PANK1: variants seen among roughly 807,000 people sequenced by gnomAD.
The protein encoded by PANK1 is pantothenic acid kinase 1.
A neutral mutation model predicts 40.1 loss-of-function variants in PANK1; 18 were observed. The ratio of observed to expected loss-of-function variants is 0.45; its 90% confidence interval spans 0.31 to 0.67. The LOEUF (loss-of-function observed/expected upper bound fraction) is 0.67, where lower values mean the gene tolerates loss of function less well. PANK1 is among the 30% of genes least tolerant of loss of function. The pLI is 0.06. For synonymous variants in PANK1, 242 were observed against 237.7 expected (o/e 1.02, Z -0.17); for missense variants, 457 against 599.6 (o/e 0.76, Z 2.48).
At chr10:89,620,588 C>A (rs1055172944) in intron 1 of PANK1, among the ~76,000 whole-genome samples, 22 of 152,222 alleles carry the variant, frequency 1.4e-4, no homozygotes, top group African/African-American at 5.1e-4. Context: ...AATGCATGCC[C>A]AGCAGGACAT....
At position 89,583,772 on chromosome 10, in the gene PANK1, A is replaced by C. The variant is rs1410092279; in HGVS notation, c.*634T>G. On this transcript the variant is annotated 3_prime_UTR_variant, in exon 7 of 7. Transcript: ENST00000307534. The stretch of plus-strand genomic sequence containing the variant: ...TTGTATTGAGCTGGTCAGCACCTTC[A>C]TTGATATGAACAATTATGTCAAAGA... The C allele has an allele frequency of 6.6e-6, 1 of 152,238 alleles. No homozygotes were observed. Among genetic ancestry groups the C allele is most frequent in the Non-Finnish European group, 1.5e-5 (1 of 68,062 alleles). 9.4% of individuals were successfully genotyped at this position (152,238 alleles called of 1,614,324 possible).
chr10:89,601,300 C>T (rs1483485222), intron 2 of PANK1, among the ~76,000 whole-genome samples: 1 of 131,674 alleles, frequency 7.6e-6, no homozygotes, highest in African/African-American at 2.9e-5. Context: ...TATACGGAGA[C>T]CCATCTCTTA....
intron 1 of PANK1, among the ~76,000 whole-genome samples, chr10:89,615,331 G>T (rs1467975214): frequency 2.0e-5 from 3 of 152,158 alleles, no homozygotes; most frequent in Non-Finnish European, 4.4e-5. Flanking sequence ...CCTTTTATGT[G>T]GTTGGATGTT....
intron 1 of PANK1, among the ~76,000 whole-genome samples, chr10:89,639,971 C>CT (rs1212470272): frequency 2.0e-5 from 3 of 152,216 alleles, no homozygotes; most frequent in Admixed American, 6.5e-5. Context: ...ACAGAACACA[C>CT]TTTTTTTTCC....
intron 1 of PANK1, among the ~76,000 whole-genome samples, chr10:89,644,192 C>A (rs1032809113): frequency 2.0e-5 from 3 of 152,102 alleles, no homozygotes; most frequent in Non-Finnish European, 4.4e-5. Context: ...CTCAGAGAAG[C>A]GAGAGGGGTG....
chr10:89,606,289 G>A (rs1416674776), intron 2 of PANK1, among the ~76,000 whole-genome samples: 20 of 152,174 alleles, frequency 1.3e-4, no homozygotes. Context: ...CTTCTGTTCT[G>A]TACTATGAAA....
chr10:89,629,238 C>G (rs1417134693), intron 1 of PANK1, among the ~76,000 whole-genome samples: 1 of 152,178 alleles, frequency 6.6e-6, no homozygotes, highest in Non-Finnish European at 1.5e-5. Flanking sequence ...GTGTTTGCTT[C>G]CTTCCAGTGC....
chr10:89,598,696 C>A lies in PANK1; in HGVS notation c.899+556G>T, dbSNP rs182689266. On this transcript the variant is annotated intron_variant, in intron 3 of 6. Transcript: ENST00000307534. ...CACTGAAAAACAAGGCCCTCTGCCC[C>A]ACCATGGCCATGGGGCTGTTTCCCT... Among the ~76,000 whole-genome samples, 8 of 152,036 alleles carry A rather than the reference C, an allele frequency of 5.3e-5. No individual in the cohort carries two copies. The East Asian group carries it at 1.4e-3, about 26-fold the overall frequency.
At position 89,593,433 on chromosome 10, in the gene PANK1, A is replaced by C. The variant is rs1844464938; in HGVS notation, c.1077-113T>G. On this transcript the variant is annotated intron_variant, in intron 4 of 6. Transcript: ENST00000307534. ...GTAACTGTTCAAACTCAAGTGATCC[A>C]ATTTTGCTACTATGGTTTATAAGCA... is the stretch of plus-strand genomic sequence containing the variant. 2.5e-6 allele frequency: 3 copies of C among 1,212,750 alleles called. No individual in the cohort carries two copies. In the African/African-American group the frequency reaches 4.6e-5, roughly 19 times the overall value. 75.1% of individuals were successfully genotyped at this position (1,212,750 alleles called of 1,614,324 possible).
chr10:89,639,303 C>A (rs1841906214), intron 1 of PANK1: 1 of 405,370 alleles, frequency 2.5e-6, no homozygotes, highest in Non-Finnish European at 5.1e-6. Context: ...TGGCATTAAC[C>A]CATACATGAG....
At chr10:89,590,956 G>T (rs1301033741) in intron 5 of PANK1, among the ~76,000 whole-genome samples, 1 of 152,128 alleles carries the variant, frequency 6.6e-6, no homozygotes, top group African/African-American at 2.4e-5. Context: ...AGCATGTGTT[G>T]TGAAGCCTTA....
At chr10:89,635,947 C>G (rs1841791609) in intron 1 of PANK1, among the ~76,000 whole-genome samples, 1 of 152,232 alleles carries the variant, frequency 6.6e-6, no homozygotes, top group Non-Finnish European at 1.5e-5. Flanking sequence ...ATCCTACCAT[C>G]TGGGAACACT....
At chr10:89,608,232 C>G (rs906007430) in intron 2 of PANK1, among the ~76,000 whole-genome samples, 2 of 151,892 alleles carry the variant, frequency 1.3e-5, no homozygotes, top group Non-Finnish European at 2.9e-5. Flanking sequence ...GGGGTTTCAC[C>G]GTGTTAGCCA....
chr10:89,645,026 G>T lies in PANK1; in HGVS notation c.-135C>A, dbSNP rs764792854. On this transcript the variant is annotated 5_prime_UTR_variant, in exon 1 of 7. Coordinates refer to ENST00000307534, the MANE Select transcript of PANK1 (RefSeq NM_148977.3). ...AGCCGCAGAGCCGGCGCCTGGGGAT[G>T]GCGAACCCGGCGCTCCTCCCCTCCT... 1 of 1,566,288 alleles carries T rather than the reference G, an allele frequency of 6.4e-7. No individual in the cohort carries two copies. The highest frequency in any genetic ancestry group is 8.6e-7 in the Non-Finnish European group (1 of 1,160,292).
At chr10:89,642,629 A>C (rs1339239889) in intron 1 of PANK1, among the ~76,000 whole-genome samples, 3 of 152,240 alleles carry the variant, frequency 2.0e-5, no homozygotes, top group Non-Finnish European at 4.4e-5. Flanking sequence ...TAGAGTAACT[A>C]AATATCAACT....
intron 3 of PANK1, 102 bp downstream of exon 3, chr10:89,599,150 A>C: frequency 8.7e-7 from 1 of 1,145,680 alleles, no homozygotes; most frequent in Non-Finnish European, 1.2e-6. Flanking sequence ...AAGGAGGCCA[A>C]GATATTTCTT....
At chr10:89,595,858 ATATATATATATATAT>A (rs1844576169) in intron 3 of PANK1, among the ~76,000 whole-genome samples, 7 of 119,592 alleles carry the variant, frequency 5.9e-5, no homozygotes, top group South Asian at 2.9e-4. Context: ...ATATATATAT[ATATATATATATATAT>A]AACTTCATTT....
chr10:89,600,611 C>T (rs1295910920), intron 2 of PANK1, among the ~76,000 whole-genome samples: 1 of 152,070 alleles, frequency 6.6e-6, no homozygotes, highest in African/African-American at 2.4e-5. Flanking sequence ...TCCCCAAGTG[C>T]CCTATTATGT....
In PANK1 at chr10:89,611,886, C is replaced by T. The variant is rs746330347; in HGVS notation, c.455G>A (p.Arg152Gln). 4.3e-5 allele frequency: 69 copies of T among 1,614,040 alleles called. No homozygotes were observed. The highest frequency in any genetic ancestry group is 5.3e-5 in the Non-Finnish European group (63 of 1,180,036). The change falls in exon 2 of 7, where the codon CGA becomes CAA. Residue 152 changes from arginine to glutamine, a missense_variant. Arg to Gln is a conservative substitution (Grantham distance 43). Around this residue, in one of 4 missense-constraint regions of PANK1, gnomAD observed 286 missense variants for 415.8 expected, o/e 0.69. Transcript: ENST00000307534. ...SNTAYGKTGI[R>Q]DVHLELKNLT... Reference sequence around the variant, plus strand: ...GTTTTTCAGTTCCAGGTGGACGTCTCGGATCCCAGTTTTCCCATAAGCAGT... The same window carrying T: ...GTTTTTCAGTTCCAGGTGGACGTCTTGGATCCCAGTTTTCCCATAAGCAGT...
Sources: gnomAD v4.1 joint callset for allele counts (sites outside exome capture counted in the v4.1 genomes callset) on GRCh38, gnomAD v4.1.1 for gene constraint, gnomAD v4.1.1 regional missense constraint, MANE v1.5 for transcripts, NCBI Gene and HGNC (gene_info 2026-07-23, HGNC 2026-07-21) for gene names.